Variants in UNC80 observed in about 807,000 individuals in gnomAD.
UNC80 encodes the protein unc-80 subunit of NALCN channel complex, also known as protein unc-80 homolog.
In UNC80, 164 loss-of-function variants were observed where a neutral mutation model predicts 384.6. That is an observed-to-expected ratio of 0.43 (90% CI 0.38 to 0.49). The LOEUF is 0.49. Among genes scored for constraint, UNC80 ranks in the 20% least tolerant of loss-of-function variants. UNC80 has a pLI of 0.00. For synonymous variants in UNC80, 1,486 were observed against 1,527.8 expected (o/e 0.97, Z 0.64); for missense variants, 3,330 against 4,143.0 (o/e 0.80, Z 5.39).
chr2:209,773,492 T>C (rs1267955134), intron 2 of UNC80, among the ~76,000 whole-genome samples: 2 of 152,166 alleles, frequency 1.3e-5, no homozygotes, highest in East Asian at 3.9e-4. Flanking sequence ...ATCTACCCAT[T>C]AATGTGAACC....
chr2:209,776,169 TTATCACAAAA>T, intron 3 of UNC80, 124 bp downstream of exon 3: 1 of 1,246,372 alleles, frequency 8.0e-7, no homozygotes, highest in Non-Finnish European at 1.1e-6. Context: ...TCTCATTTAA[TTATCACAAAA>T]TCCTCCTCAC....
intron 33 of UNC80, among the ~76,000 whole-genome samples, chr2:209,920,361 G>A (rs1162619923): frequency 1.3e-5 from 2 of 152,174 alleles, no homozygotes; most frequent in African/African-American, 4.8e-5. Context: ...TTGCCATTGT[G>A]CATAAACATT....
chr2:209,847,241 T>A (rs2082234324), intron 21 of UNC80, among the ~76,000 whole-genome samples: 2 of 152,154 alleles, frequency 1.3e-5, no homozygotes, highest in South Asian at 4.1e-4. Flanking sequence ...CAAAAATACA[T>A]TCTCTTTTAA....
chr2:209,851,452 G>A (rs2082523565), intron 22 of UNC80, among the ~76,000 whole-genome samples: 2 of 152,054 alleles, frequency 1.3e-5, no homozygotes, highest in Admixed American at 1.3e-4. Context: ...ACATCAAATG[G>A]AAAGGGTGGT....
Position 209,888,160 on chromosome 2 carries a change from C to G in UNC80, c.4176C>G (p.Ile1392Met). Residue 1392 changes from isoleucine to methionine, a missense_variant, in exon 26 of 65, where the codon ATC becomes ATG. Around this residue, in one of 8 missense-constraint regions of UNC80, gnomAD observed 801 missense variants for 950.8 expected, o/e 0.84. Coordinates refer to ENST00000673920, the MANE Select transcript of UNC80 (RefSeq NM_001371986.1). ...ACCGGCACAGATATGAGAGGAAGATCAGCTTTGCTGGGGTCCTGGACGAAA... is the reference window on the plus strand; with the variant it reads ...ACCGGCACAGATATGAGAGGAAGATGAGCTTTGCTGGGGTCCTGGACGAAA... ...ELDRHRYERK[I>M]SFAGVLDENE... The G allele has an allele frequency of 1.9e-6, 3 of 1,551,666 alleles. No homozygotes were observed. The highest frequency in any genetic ancestry group is 2.7e-5 in the African/African-American group (2 of 73,154).
intron 22 of UNC80, among the ~76,000 whole-genome samples, chr2:209,869,530 A>G (rs1346112920): frequency 6.6e-6 from 1 of 152,062 alleles, no homozygotes; most frequent in Non-Finnish European, 1.5e-5. Flanking sequence ...ATAGTAATAT[A>G]TATACTAAAA....
chr2:209,853,558 C>A (rs1302112538), intron 22 of UNC80, among the ~76,000 whole-genome samples: 1 of 151,818 alleles, frequency 6.6e-6, no homozygotes, highest in Non-Finnish European at 1.5e-5. Context: ...GCAGATGCAA[C>A]TGTAAGGCAT....
At chr2:209,845,818 T>TC (rs1404888305) in intron 21 of UNC80, among the ~76,000 whole-genome samples, 1 of 152,162 alleles carries the variant, frequency 6.6e-6, no homozygotes, top group Non-Finnish European at 1.5e-5. Flanking sequence ...TAAACAACAT[T>TC]ATCTGCTTAT....
intron 22 of UNC80, among the ~76,000 whole-genome samples, chr2:209,856,915 A>G (rs910460014): frequency 6.6e-6 from 1 of 151,920 alleles, no homozygotes; most frequent in Non-Finnish European, 1.5e-5. Flanking sequence ...TCAGCCTCCC[A>G]AGTAGCTGGG....
At position 209,894,307 on chromosome 2, in the gene UNC80, C is replaced by T. The variant is rs977877748; in HGVS notation, c.4421C>T (p.Ser1474Leu). Residue 1474 changes from serine to leucine, a missense_variant, in exon 27 of 65, where the codon TCA (serine) becomes TTA (leucine). Around this residue, in one of 8 missense-constraint regions of UNC80, gnomAD observed 801 missense variants for 950.8 expected, o/e 0.84. Transcript: ENST00000673920. ...LKSSKLSRQD[S>L]ESEAEELQLS... is the part of the protein sequence containing the mutation. ...AGCAGCAAGTTATCACGGCAGGACT[C>T]AGAGTCTGAGGCTGAGGAGCTGCAG... The T allele has an allele frequency of 1.0e-6, 1 of 985,200 alleles. No homozygotes were observed. The highest frequency in any genetic ancestry group is 1.7e-5 in the African/African-American group (1 of 57,198). The allele number at this position is 985,200 out of a possible 1,614,324, so 61.0% of individuals were successfully genotyped here. A position where few individuals can be genotyped will look rare whatever the true frequency, so the allele number is the denominator to read the frequency against.
At chr2:209,993,659 A>G (rs2093433303) in intron 63 of UNC80, among the ~76,000 whole-genome samples, 1 of 152,158 alleles carries the variant, frequency 6.6e-6, no homozygotes, top group Non-Finnish European at 1.5e-5. Flanking sequence ...AAGGTAAACC[A>G]CTAATACTGG....
intron 47 of UNC80, among the ~76,000 whole-genome samples, chr2:209,947,043 G>A (rs2091946247): frequency 6.6e-6 from 1 of 152,150 alleles, no homozygotes; most frequent in African/African-American, 2.4e-5. Context: ...GCACGGATGT[G>A]GCTGTGGCCT....
intron 22 of UNC80, among the ~76,000 whole-genome samples, chr2:209,851,848 T>G (rs1180593248): frequency 1.3e-5 from 2 of 152,130 alleles, no homozygotes; most frequent in Non-Finnish European, 2.9e-5. Context: ...CCTTCAGTTT[T>G]GTATTCTACC....
intron 22 of UNC80, among the ~76,000 whole-genome samples, chr2:209,864,048 A>C (rs770555632): frequency 6.6e-6 from 1 of 151,258 alleles, no homozygotes; most frequent in African/African-American, 2.4e-5. Context: ...GTTGATGATG[A>C]TGCTGTTGTT....
At position 209,885,954 on chromosome 2, in the gene UNC80, G is replaced by A. The variant is rs190638787; in HGVS notation, c.4111-2141G>A. The stretch of plus-strand genomic sequence containing the variant: ...TAATTTTTGTATTTTTAGTAGGGAC[G>A]GGGTTTCACCATATTGGCCAGGCTG... On this transcript the variant is annotated intron_variant, in intron 25 of 64. Coordinates refer to ENST00000673920, the MANE Select transcript of UNC80 (RefSeq NM_001371986.1). Among the ~76,000 whole-genome samples the A allele has an allele frequency of 3.6e-3, 553 of 151,790 alleles. 4 individuals are homozygous for A. The highest frequency in any genetic ancestry group is 0.012 in the African/African-American group (507 of 41,438).
At chr2:209,936,539 T>G (rs2215669) in intron 40 of UNC80, among the ~76,000 whole-genome samples, 46,140 of 152,042 alleles carry the variant, frequency 0.3, 8,523 homozygotes, top group African/African-American at 0.52. Flanking sequence ...CACTATGAGA[T>G]CAGATGGTCC....
At chr2:209,962,987 T>G (rs1429612315) in intron 51 of UNC80, among the ~76,000 whole-genome samples, 1 of 152,224 alleles carries the variant, frequency 6.6e-6, no homozygotes, top group African/African-American at 2.4e-5. Flanking sequence ...ATATAAAAAA[T>G]GCAAATGTTT....
chr2:209,949,715 C>A (rs375661155), intron 47 of UNC80, among the ~76,000 whole-genome samples: 3 of 152,022 alleles, frequency 2.0e-5, no homozygotes. Flanking sequence ...TGACCTCAGG[C>A]GATCCACCCG....
chr2:209,836,787 C>T (rs988807465), intron 18 of UNC80, among the ~76,000 whole-genome samples: 4 of 152,158 alleles, frequency 2.6e-5, no homozygotes, highest in African/African-American at 4.8e-5. Flanking sequence ...GGCCCTGTGT[C>T]CTCTTCCTTC....
Sources: gnomAD v4.1 joint callset for allele counts (sites outside exome capture counted in the v4.1 genomes callset) on GRCh38, gnomAD v4.1.1 for gene constraint, gnomAD v4.1.1 regional missense constraint, MANE v1.5 for transcripts, NCBI Gene and HGNC (gene_info 2026-07-23, HGNC 2026-07-21) for gene names.